LRFN2: variants seen among roughly 807,000 people sequenced by gnomAD.
LRFN2 encodes leucine rich repeat and fibronectin type III domain containing 2.
Under a neutral mutation model 37.3 loss-of-function variants are expected in LRFN2, and 18 were observed. The observed-to-expected ratio is 0.48, with a 90% CI of 0.33 to 0.72. The LOEUF (loss-of-function observed/expected upper bound fraction) is 0.72, where lower values mean the gene tolerates loss of function less well. LRFN2 is among the 30% of genes least tolerant of loss of function. LRFN2 has a pLI of 0.02. For synonymous variants in LRFN2, 556 were observed against 466.6 expected, an observed-to-expected ratio of 1.19 and a Z score of -2.47; for missense variants, 1,006 against 1,060.7, an observed-to-expected ratio of 0.95 and a Z score of 0.72.
intron 1 of LRFN2, among the ~76,000 whole-genome samples, chr6:40,496,533 C>T (rs1765232511): frequency 6.6e-6 from 1 of 151,950 alleles, no homozygotes; most frequent in African/African-American, 2.4e-5. Context: ...AGAATCTTTG[C>T]ACTGATTAGT....
intron 2 of LRFN2, among the ~76,000 whole-genome samples, chr6:40,431,185 T>G (rs1763470357): frequency 6.6e-6 from 1 of 152,108 alleles, no homozygotes; most frequent in African/African-American, 2.4e-5. Context: ...AAGTCAGGTA[T>G]TAATTATCCT....
chr6:40,414,024 C>T (rs1343959061), intron 2 of LRFN2, among the ~76,000 whole-genome samples: 1 of 152,224 alleles, frequency 6.6e-6, no homozygotes, highest in Non-Finnish European at 1.5e-5. Context: ...AGACGCTCGT[C>T]TCACCCCCTC....
intron 1 of LRFN2, among the ~76,000 whole-genome samples, chr6:40,562,591 A>T (rs1412564777): frequency 6.6e-6 from 1 of 152,190 alleles, no homozygotes; most frequent in Non-Finnish European, 1.5e-5. Context: ...GCAAGAGCTC[A>T]TGGGAGTTTC....
chr6:40,445,821 A>C (rs1184513934), intron 1 of LRFN2, among the ~76,000 whole-genome samples: 1 of 152,194 alleles, frequency 6.6e-6, no homozygotes, highest in East Asian at 1.9e-4. Flanking sequence ...GTCTTGGGCA[A>C]GTTGCTTGAC....
chr6:40,449,158 C>T (rs564522626), intron 1 of LRFN2, among the ~76,000 whole-genome samples: 2 of 152,242 alleles, frequency 1.3e-5, no homozygotes, highest in African/African-American at 4.8e-5. Context: ...TAAGAGAGCG[C>T]ACTTCAAATG....
chr6:40,461,586 G>A lies in LRFN2; in HGVS notation c.-18-28455C>T, dbSNP rs1326393770. ...AATCCCCAGCCACCCCCCTCCCCCC[G>A]ACAAAAAAAAAAAACCCTCCCTTCA... On this transcript the variant is annotated intron_variant, in intron 1 of 2. Transcript: ENST00000338305. Among the ~76,000 whole-genome samples the A allele has an allele frequency of 8.0e-5, 10 of 125,104 alleles. No homozygotes were observed. In the East Asian group the frequency reaches 9.6e-4, roughly 12 times the overall value. The allele number at this position is 125,104 out of a possible 152,430, so 82.1% of individuals were successfully genotyped here.
At chr6:40,426,548 A>C (rs1296468025) in intron 2 of LRFN2, among the ~76,000 whole-genome samples, 1 of 152,208 alleles carries the variant, frequency 6.6e-6, no homozygotes, top group Non-Finnish European at 1.5e-5. Flanking sequence ...ATCATTTCGG[A>C]GCCAGATGGA....
intron 1 of LRFN2, among the ~76,000 whole-genome samples, chr6:40,564,716 C>A (rs1767057594): frequency 6.6e-6 from 1 of 152,138 alleles, no homozygotes; most frequent in African/African-American, 2.4e-5. Flanking sequence ...ATCTGGGTTC[C>A]TTTCCCTTAA....
intron 1 of LRFN2, among the ~76,000 whole-genome samples, chr6:40,453,114 T>C (rs1178073993): frequency 6.6e-6 from 1 of 152,158 alleles, no homozygotes; most frequent in Non-Finnish European, 1.5e-5. Context: ...CTGATCACTA[T>C]TGCAGGTAGA....
In LRFN2 at chr6:40,432,205, G is replaced by A. The variant is rs989734092; in HGVS notation, c.909C>T (p.Gly303=). ...QHTHKLLVLE[G]QAATLKCKAI... ...CTTTGCACTTGAGTGTGGCCGCCTGGCCCTCCAGAACCAGCAACTTGTGTG... is the reference window on the plus strand; with the variant it reads ...CTTTGCACTTGAGTGTGGCCGCCTGACCCTCCAGAACCAGCAACTTGTGTG... The change falls in exon 2 of 3, where the codon GGC becomes GGT. Residue 303 remains glycine (G), a synonymous_variant. Transcript: ENST00000338305. 2 of 1,613,740 alleles carry A rather than the reference G, an allele frequency of 1.2e-6. No homozygotes were observed. Among genetic ancestry groups the A allele is most frequent in the African/African-American group, 2.7e-5 (2 of 74,938 alleles).
intron 1 of LRFN2, among the ~76,000 whole-genome samples, chr6:40,494,343 T>G (rs1349373067): frequency 6.6e-6 from 1 of 152,094 alleles, no homozygotes; most frequent in African/African-American, 2.4e-5. Context: ...AGGGCGGAGG[T>G]GAGAGCAAGG....
intron 1 of LRFN2, among the ~76,000 whole-genome samples, chr6:40,547,401 G>C (rs1766686806): frequency 6.6e-6 from 1 of 152,062 alleles, no homozygotes; most frequent in Admixed American, 6.6e-5. Flanking sequence ...CATCGCGCCT[G>C]GCCACAAACC....
At chr6:40,541,808 A>T (rs1261196744) in intron 1 of LRFN2, among the ~76,000 whole-genome samples, 5 of 152,234 alleles carry the variant, frequency 3.3e-5, no homozygotes, top group Non-Finnish European at 7.3e-5. Context: ...GGGCAGCCAC[A>T]GCCCCCTAGT....
chr6:40,541,940 T>G (rs752348224), intron 1 of LRFN2, among the ~76,000 whole-genome samples: 2 of 151,786 alleles, frequency 1.3e-5, no homozygotes, highest in Non-Finnish European at 2.9e-5. Flanking sequence ...GCATGCAGAG[T>G]GTCAGGCAGG....
chr6:40,462,926 C>A (rs1480481442), intron 1 of LRFN2, among the ~76,000 whole-genome samples: 2 of 152,182 alleles, frequency 1.3e-5, no homozygotes, highest in Non-Finnish European at 2.9e-5. Flanking sequence ...TCCCAGCCTC[C>A]CTTGCAACTA....
rs755518632 is a variant in LRFN2 at position 40,432,129 on chromosome 6, G to A, written c.985C>T (p.Leu329=). 2 of 1,613,874 alleles carry A rather than the reference G, an allele frequency of 1.2e-6. No individual in the cohort carries two copies. The highest frequency in any genetic ancestry group is 1.7e-5 in the Admixed American group (1 of 60,030). Residue 329 remains leucine (L), a synonymous_variant, in exon 2 of 3, where the codon CTG becomes TTG. Transcript: ENST00000338305. ...GCGGTCCTTGAGGAGTTCCCTACCA[G>A]GCGGTCATCGGGGGCTACCCAGTGG... The part of the protein sequence containing the change: ...LIHWVAPDDR[L]VGNSSRTAVY...
Position 40,463,670 on chromosome 6 carries a change from ATTTTT to A in LRFN2, c.-18-30544_-18-30540del, listed in dbSNP as rs66745321. ...TACATCATACTATTTCTTTCTTTCT[ATTTTT>A]TTTTTTTTTTTTTTTTTTTGAGGCA... is the stretch of plus-strand genomic sequence containing the variant. On this transcript the variant is annotated intron_variant, in intron 1 of 2. Coordinates refer to ENST00000338305, the MANE Select transcript of LRFN2 (RefSeq NM_020737.3). Among the ~76,000 whole-genome samples the A allele has an allele frequency of 3.7e-3, 287 of 76,546 alleles. 2 individuals carry two copies. The Middle Eastern group carries it at 0.092, about 24-fold the overall frequency. The allele number at this position is 76,546 out of a possible 152,430, so 50.2% of individuals were successfully genotyped here.
intron 1 of LRFN2, among the ~76,000 whole-genome samples, chr6:40,490,617 G>A (rs1401740619): frequency 2.6e-5 from 4 of 152,178 alleles, no homozygotes; most frequent in Admixed American, 2.6e-4. Context: ...CTCCTCTAGA[G>A]CTCACCATGG....
chr6:40,449,595 G>T (rs985409619), intron 1 of LRFN2, among the ~76,000 whole-genome samples: 3 of 152,182 alleles, frequency 2.0e-5, no homozygotes, highest in African/African-American at 7.2e-5. Context: ...GGCCAGGTTT[G>T]AGAATGCAAA....
Sources: allele counts gnomAD v4.1 joint callset (sites outside exome capture counted in the v4.1 genomes callset), GRCh38; gene constraint gnomAD v4.1.1; transcripts MANE v1.5; gene names NCBI Gene and HGNC (gene_info 2026-07-23, HGNC 2026-07-21).